The following SASH1 variants were observed in gnomAD, a reference collection of about 807,000 sequenced individuals.
SASH1 encodes the protein SAM and SH3 domain containing 1.
In SASH1, 44 loss-of-function variants were observed where a neutral mutation model predicts 125.2. That is an observed-to-expected ratio of 0.35 (90% CI 0.28 to 0.45). The LOEUF (loss-of-function observed/expected upper bound fraction) is 0.45. Ranked by LOEUF, SASH1 falls within the 20% of genes least tolerant of loss-of-function variation. The probability of loss-of-function intolerance (pLI) is 1.00; values close to 1 mark genes in which losing one functional copy is unlikely to be tolerated. For synonymous variants in SASH1, 639 were observed against 649.1 expected (o/e 0.98, Z 0.24); for missense variants, 1,426 against 1,614.5 (o/e 0.88, Z 2.00).
chr6:148,474,352 T>C (rs1583217946), intron 7 of SASH1, 130 bp downstream of exon 7: 1 of 577,070 alleles, frequency 1.7e-6, no homozygotes. Context: ...TTCTGTTTAC[T>C]TGATACAAAC....
intron 1 of SASH1, among the ~76,000 whole-genome samples, chr6:148,283,841 C>G (rs1779411559): frequency 6.6e-6 from 1 of 152,120 alleles, no homozygotes; most frequent in African/African-American, 2.4e-5. Flanking sequence ...CAGTGAAGAG[C>G]TTTCCTCATC....
the SASH1 span, among the ~76,000 whole-genome samples, chr6:148,260,907 C>T: frequency 1.4e-5 from 2 of 147,988 alleles, no homozygotes; most frequent in African/African-American, 2.5e-5. Flanking sequence ...TGGGTTCGAG[C>T]GATTCTCCTG....
In SASH1 at chr6:148,304,176, C is replaced by T. The variant is rs561918391; in HGVS notation, n.74+31799C>T. Among the ~76,000 whole-genome samples, 10 of 152,232 alleles carry T rather than the reference C, an allele frequency of 6.6e-5. No individual in the cohort carries two copies. In the East Asian group the frequency reaches 1.4e-3, roughly 21 times the overall value. On this transcript the variant is annotated intron_variant and non_coding_transcript_variant, in intron 1 of 3. Coordinates refer to the SASH1 transcript ENST00000367469. ...AAAAATGGCTGGGCGCAGTGGCTCA[C>T]GCCTGTAATCCCAGCACTTTGGGAG...
intron 1 of SASH1, among the ~76,000 whole-genome samples, chr6:148,387,534 CTT>C (rs1452879791): frequency 7.5e-6 from 1 of 132,842 alleles, no homozygotes; most frequent in Non-Finnish European, 1.5e-5. Context: ...TTTCTTTCTT[CTT>C]TCTTTCTTTT....
intron 10 of SASH1, among the ~76,000 whole-genome samples, chr6:148,522,681 T>C (rs999232972): frequency 3.2e-4 from 49 of 152,260 alleles, no homozygotes; most frequent in African/African-American, 1.2e-3. Context: ...TTCCATTGAC[T>C]AGCCCTCCTC....
At chr6:148,275,953 T>C (rs1464951445) in intron 1 of SASH1, among the ~76,000 whole-genome samples, 1 of 152,240 alleles carries the variant, frequency 6.6e-6, no homozygotes, top group African/African-American at 2.4e-5. Flanking sequence ...ACTCCTGGTC[T>C]TAAGCAATCC....
chr6:148,302,054 G>A (rs867094903), intron 1 of SASH1, among the ~76,000 whole-genome samples: 11 of 151,066 alleles, frequency 7.3e-5, no homozygotes, highest in African/African-American at 1.2e-4. Flanking sequence ...GGCGGCTCAC[G>A]CCTGTAATCC....
chr6:148,374,613 A>T (rs6917966), intron 1 of SASH1, among the ~76,000 whole-genome samples: 52,936 of 151,908 alleles, frequency 0.35, 9,369 homozygotes, highest in Admixed American at 0.39. Flanking sequence ...CACAAAGCAA[A>T]TAATCTCCAC....
chr6:148,202,585 T>C, the SASH1 span, among the ~76,000 whole-genome samples: 4 of 152,178 alleles, frequency 2.6e-5, no homozygotes, highest in African/African-American at 9.6e-5. Flanking sequence ...GGGTTTAGGA[T>C]TGATTACAAA....
intron 2 of SASH1, among the ~76,000 whole-genome samples, chr6:148,394,636 T>C (rs1783869355): frequency 6.6e-6 from 1 of 152,104 alleles, no homozygotes; most frequent in African/African-American, 2.4e-5. Flanking sequence ...TTTCTCTATC[T>C]CTCTCTCTTT....
chr6:148,503,313 TA>T (rs75511515), intron 8 of SASH1, among the ~76,000 whole-genome samples: 65,880 of 149,056 alleles, frequency 0.44, 14,709 homozygotes, highest in Non-Finnish European at 0.49. Flanking sequence ...GTCATCTTTC[TA>T]AAAAAAAAAA....
chr6:148,293,389 AG>A lies in SASH1; in HGVS notation n.74+21014del, dbSNP rs772731538. 1.6e-4 allele frequency among the ~76,000 whole-genome samples: 25 copies of A among 152,320 alleles called. No individual in the cohort carries two copies. The South Asian group carries it at 4.1e-3, about 25-fold the overall frequency. ...TTCTGTCAGATACATGCCTGGGGTG[AG>A]GAAGTGTCCTTGAACTGTTTGCTTA... On this transcript the variant is annotated intron_variant and non_coding_transcript_variant, in intron 1 of 3. Transcript: ENST00000367469.
intron 1 of SASH1, among the ~76,000 whole-genome samples, chr6:148,309,191 G>A (rs564647009): frequency 3.9e-5 from 6 of 151,936 alleles, no homozygotes; most frequent in African/African-American, 7.3e-5. Flanking sequence ...CAGAATATTC[G>A]GTGAGAACTG....
At chr6:148,366,729 C>A (rs1247643038) in intron 1 of SASH1, among the ~76,000 whole-genome samples, 1 of 151,274 alleles carries the variant, frequency 6.6e-6, no homozygotes, top group South Asian at 2.1e-4. Flanking sequence ...TCCTGAGTAG[C>A]TGGGATTACA....
chr6:148,341,694 C>A (rs918398010), upstream of SASH1, among the ~76,000 whole-genome samples: 8 of 151,006 alleles, frequency 5.3e-5, no homozygotes, highest in East Asian at 5.8e-4. Flanking sequence ...AACAAACAAA[C>A]AAAAAAAACC....
At chr6:148,337,891 G>T (rs1361961270), upstream of SASH1, among the ~76,000 whole-genome samples, 1 of 152,134 alleles carries the variant, frequency 6.6e-6, no homozygotes, top group Non-Finnish European at 1.5e-5. Flanking sequence ...AATTGATTCT[G>T]TAATCAACTT....
At chr6:148,424,920 T>G (rs940424757) in intron 2 of SASH1, among the ~76,000 whole-genome samples, 3 of 152,178 alleles carry the variant, frequency 2.0e-5, no homozygotes, top group African/African-American at 7.2e-5. Context: ...GACCCAGCAA[T>G]CTGTGTTTAA....
intron 4 of SASH1, among the ~76,000 whole-genome samples, chr6:148,466,225 T>A (rs1040468833): frequency 6.6e-6 from 1 of 152,210 alleles, no homozygotes; most frequent in African/African-American, 2.4e-5. Flanking sequence ...CAAAACTAGC[T>A]CTTGTCCTCT....
the SASH1 span, among the ~76,000 whole-genome samples, chr6:148,263,075 C>T: frequency 1.3e-5 from 2 of 152,152 alleles, no homozygotes; most frequent in Non-Finnish European, 2.9e-5. Context: ...AGGACAGAAA[C>T]AGCAGACAGC....
Sources: gnomAD v4.1 joint callset for allele counts (sites outside exome capture counted in the v4.1 genomes callset) on GRCh38, gnomAD v4.1.1 for gene constraint, MANE v1.5 for transcripts, NCBI Gene and HGNC (gene_info 2026-07-23, HGNC 2026-07-21) for gene names.